SNRPN: variants seen among roughly 807,000 people sequenced by gnomAD.
SNRPN encodes small nuclear ribonucleoprotein-associated protein N.
SNRPN carries 7 observed loss-of-function variants against 25.2 expected under a neutral mutation model. The observed-to-expected ratio is 0.28, with a 90% CI of 0.16 to 0.52. The LOEUF is 0.52. Among genes scored for constraint, SNRPN ranks in the 20% least tolerant of loss-of-function variants. The pLI, the probability that SNRPN is intolerant of heterozygous loss-of-function variation, is 0.96. For synonymous variants in SNRPN, 124 were observed against 110.6 expected (o/e 1.12, Z -0.76); for missense variants, 196 against 322.5 (o/e 0.61, Z 3.00).
intron 1 of SNRPN, among the ~76,000 whole-genome samples, chr15:24,957,186 T>A (rs2153396439): frequency 6.6e-6 from 1 of 152,314 alleles, no homozygotes; most frequent in Non-Finnish European, 1.5e-5. Context: ...GATAGTCCAT[T>A]CTGATGCACT....
chr15:24,926,804 A>G (rs2060414361), intron 3 of SNRPN, among the ~76,000 whole-genome samples: 1 of 151,938 alleles, frequency 6.6e-6, no homozygotes, highest in Admixed American at 6.6e-5. Context: ...CAGGAGTTTG[A>G]GACCAGCCTG....
chr15:24,866,380 A>G (rs1388027645), intron 1 of SNRPN, among the ~76,000 whole-genome samples: 3 of 152,112 alleles, frequency 2.0e-5, no homozygotes. Flanking sequence ...TGTGGAGAGA[A>G]CACTTTCTAT....
At position 24,909,884 on chromosome 15, in the gene SNRPN, T is replaced by C. The variant is rs529967548; in HGVS notation, c.-504-10127T>C. 16 of 701,538 alleles carry C rather than the reference T, an allele frequency of 2.3e-5. No individual in the cohort carries two copies. The South Asian group carries it at 2.4e-4, about 10-fold the overall frequency. The allele number at this position is 701,538 out of a possible 1,614,324, so 43.5% of individuals were successfully genotyped here. On this transcript the variant is annotated intron_variant, in intron 2 of 11. Transcript: ENST00000400097. ...CAGAGACCAGCAGGCACAGCGGCGC[T>C]GGGGCAGGGAGAAGGGGAAAGCTTT...
chr15:24,841,352 AG>A (rs1379253023), intron 2 of SNRPN, among the ~76,000 whole-genome samples: 2 of 152,086 alleles, frequency 1.3e-5, no homozygotes, highest in Non-Finnish European at 2.9e-5. Flanking sequence ...TAATGCACTC[AG>A]GGTGGGAACC....
At chr15:24,859,494 A>G (rs1174493570) in intron 1 of SNRPN, among the ~76,000 whole-genome samples, 1 of 152,198 alleles carries the variant, frequency 6.6e-6, no homozygotes, top group Non-Finnish European at 1.5e-5. Flanking sequence ...TGGAATAAAA[A>G]CAATTCCAGG....
At chr15:24,943,833 A>G (rs1017915674) in intron 3 of SNRPN, among the ~76,000 whole-genome samples, 1 of 150,260 alleles carries the variant, frequency 6.7e-6, no homozygotes, top group East Asian at 1.9e-4. Flanking sequence ...TAATTTTTTT[A>G]TTTTTCGAGA....
At chr15:24,957,746 C>A (rs930640711) in intron 1 of SNRPN, among the ~76,000 whole-genome samples, 1 of 151,438 alleles carries the variant, frequency 6.6e-6, no homozygotes, top group African/African-American at 2.4e-5. Flanking sequence ...CCTTTTTTTT[C>A]TGCTTGCATG....
chr15:24,868,796 C>T (rs191077552), intron 1 of SNRPN, among the ~76,000 whole-genome samples: 6 of 152,246 alleles, frequency 3.9e-5, no homozygotes. Flanking sequence ...AATTTAGACA[C>T]ATGTATGTGG....
chr15:24,927,475 A>ATTTTTTTTTTTTGTTTTTTTTT (rs1566921436), intron 3 of SNRPN, among the ~76,000 whole-genome samples: 1 of 113,322 alleles, frequency 8.8e-6, no homozygotes, highest in African/African-American at 3.4e-5. Context: ...AAAGTTTTTA[A>ATTTTTTTTTTTTGTTTTTTTTT]ATTTTTTTTT....
chr15:24,962,018 A>T, intron 1 of SNRPN, 96 bp from the exon 2 acceptor site: 1 of 1,032,646 alleles, frequency 9.7e-7, no homozygotes, highest in East Asian at 2.5e-5. Context: ...TTAAAAATCC[A>T]TTATATTAAA....
intron 2 of SNRPN, chr15:24,909,335 A>C: frequency 6.2e-7 from 1 of 1,603,136 alleles, no homozygotes; most frequent in Non-Finnish European, 8.5e-7. Flanking sequence ...AGCTCCCTTC[A>C]GGGCACCAAA....
chr15:24,879,677 A>G (rs1219110624), intron 1 of SNRPN, among the ~76,000 whole-genome samples: 1 of 152,138 alleles, frequency 6.6e-6, no homozygotes, highest in Non-Finnish European at 1.5e-5. Context: ...TTGTTTGCAT[A>G]TGGCCTGAGG....
intron 1 of SNRPN, among the ~76,000 whole-genome samples, chr15:24,859,115 G>A (rs2146951311): frequency 6.6e-6 from 1 of 152,252 alleles, no homozygotes; most frequent in Non-Finnish European, 1.5e-5. Context: ...CTCCACCAAT[G>A]GGAAAAGGGT....
chr15:24,935,506 A>T (rs2061166904), intron 3 of SNRPN, among the ~76,000 whole-genome samples: 1 of 152,106 alleles, frequency 6.6e-6, no homozygotes, highest in Admixed American at 6.6e-5. Context: ...TGGATAGGGA[A>T]TGTTTTGTTT....
intron 1 of SNRPN, among the ~76,000 whole-genome samples, chr15:24,879,207 G>C (rs2056338171): frequency 6.6e-6 from 1 of 152,114 alleles, no homozygotes; most frequent in Non-Finnish European, 1.5e-5. Context: ...GGCCGAGGCA[G>C]GCAGATTGCC....
chr15:24,963,166 C>G (rs190725115), intron 2 of SNRPN, among the ~76,000 whole-genome samples: 2 of 152,216 alleles, frequency 1.3e-5, no homozygotes, highest in East Asian at 3.9e-4. Context: ...GACAATATGT[C>G]TTGGTGATCT....
At chr15:24,897,137 C>T (rs1421976251) in intron 2 of SNRPN, among the ~76,000 whole-genome samples, 1 of 152,012 alleles carries the variant, frequency 6.6e-6, no homozygotes, top group Non-Finnish European at 1.5e-5. Flanking sequence ...TGAGTGAGAG[C>T]CAGACTCTAT....
chr15:24,937,482 C>T (rs1394260813), intron 3 of SNRPN, among the ~76,000 whole-genome samples: 1 of 151,986 alleles, frequency 6.6e-6, no homozygotes, highest in Non-Finnish European at 1.5e-5. Context: ...ATGATCTCAC[C>T]ACTGTACTCT....
At chr15:24,963,618 A>G (rs956852620) in intron 2 of SNRPN, among the ~76,000 whole-genome samples, 4 of 125,034 alleles carry the variant, frequency 3.2e-5, no homozygotes, top group African/African-American at 4.0e-5. Flanking sequence ...CCATCTCAGG[A>G]AAAAAAAAAA....
Sources: gnomAD v4.1 joint callset for allele counts (sites outside exome capture counted in the v4.1 genomes callset) on GRCh38, gnomAD v4.1.1 for gene constraint, MANE v1.5 for transcripts, NCBI Gene and HGNC (gene_info 2026-07-23, HGNC 2026-07-21) for gene names.